The following ZNF385D variants were observed in gnomAD, a reference collection of about 807,000 sequenced individuals.
ZNF385D encodes the protein zinc finger protein 385D, also known as zinc finger protein 659.
ZNF385D carries 15 observed loss-of-function variants against 35.8 expected under a neutral mutation model. The observed-to-expected ratio is 0.42, with a 90% CI of 0.28 to 0.64. The LOEUF (loss-of-function observed/expected upper bound fraction) is 0.64. ZNF385D is among the 30% of genes least tolerant of loss of function. The pLI is 0.23. For missense variants in ZNF385D, 474 were observed against 494.6 expected, an observed-to-expected ratio of 0.96 and a Z score of 0.39; for synonymous variants, 212 against 186.8, an observed-to-expected ratio of 1.13 and a Z score of -1.10.
chr3:21,734,706 T>A (rs935862155), intron 1 of ZNF385D, among the ~76,000 whole-genome samples: 2 of 152,102 alleles, frequency 1.3e-5, no homozygotes, highest in Non-Finnish European at 2.9e-5. Context: ...GCTGCACTGA[T>A]CACCTAGATA....
At chr3:21,925,852 A>G (rs1700701199) in intron 3 of ZNF385D, among the ~76,000 whole-genome samples, 1 of 152,220 alleles carries the variant, frequency 6.6e-6, no homozygotes. Context: ...AATGATATAC[A>G]GATGACAAAT....
At position 21,794,288 on chromosome 3, in the gene ZNF385D, T is replaced by G. The variant is rs144432803; in HGVS notation, c.326-129260A>C. ...AACCTAAGAGCTTAAATAGAGAGCT[T>G]AGACCATTGGGAGCTTCTGATCTAG... On this transcript the variant is annotated intron_variant, in intron 3 of 5. Coordinates refer to the ZNF385D transcript ENST00000494108. 9.8e-3 allele frequency among the ~76,000 whole-genome samples: 1,498 copies of G among 152,120 alleles called. 79 individuals are homozygous for G. Among genetic ancestry groups the G allele is most frequent in the Admixed American group, 0.091 (1,387 of 15,260 alleles).
intron 3 of ZNF385D, among the ~76,000 whole-genome samples, chr3:21,998,124 T>C (rs1695599357): frequency 6.6e-6 from 1 of 152,108 alleles, no homozygotes; most frequent in African/African-American, 2.4e-5. Flanking sequence ...TGCCTGGAAG[T>C]TACCTTATAT....
intron 3 of ZNF385D, among the ~76,000 whole-genome samples, chr3:22,003,134 CCTT>C (rs769255475): frequency 3.3e-5 from 5 of 152,140 alleles, no homozygotes; most frequent in African/African-American, 4.8e-5. Context: ...GTCAAATTGT[CCTT>C]CTTCGCAGAT....
chr3:21,617,511 T>G (rs1353622642), intron 2 of ZNF385D, among the ~76,000 whole-genome samples: 1 of 152,210 alleles, frequency 6.6e-6, no homozygotes, highest in East Asian at 1.9e-4. Flanking sequence ...CAATGCTTTA[T>G]GTATGTTAGT....
chr3:21,694,005 C>T (rs1303118127), intron 1 of ZNF385D, among the ~76,000 whole-genome samples: 5 of 128,422 alleles, frequency 3.9e-5, no homozygotes, highest in Admixed American at 2.4e-4. Context: ...CAGCCTCCTG[C>T]GTAGCTGGGA....
chr3:21,681,290 T>A (rs2066891986), intron 1 of ZNF385D, among the ~76,000 whole-genome samples: 1 of 77,942 alleles, frequency 1.3e-5, no homozygotes, highest in African/African-American at 4.9e-5. Context: ...GTGAATATAT[T>A]CCATCAGTAA....
chr3:22,096,523 C>T (rs889559921), intron 3 of ZNF385D, among the ~76,000 whole-genome samples: 1 of 151,946 alleles, frequency 6.6e-6, no homozygotes, highest in Admixed American at 6.6e-5. Context: ...GAGAGTAATG[C>T]TGACAAATGC....
intron 3 of ZNF385D, among the ~76,000 whole-genome samples, chr3:22,080,833 G>T (rs368493523): frequency 1.3e-5 from 2 of 151,946 alleles, no homozygotes; most frequent in South Asian, 4.1e-4. Context: ...AACTAGCTAG[G>T]CCCTTGCTCC....
At chr3:21,963,169 C>T (rs551803256) in intron 3 of ZNF385D, among the ~76,000 whole-genome samples, 12 of 152,260 alleles carry the variant, frequency 7.9e-5, no homozygotes, top group Non-Finnish European at 1.6e-4. Context: ...GATATTAAAG[C>T]TGAAGCAAAC....
chr3:21,945,183 G>C (rs561828561), intron 3 of ZNF385D, among the ~76,000 whole-genome samples: 15 of 110,934 alleles, frequency 1.4e-4, no homozygotes, highest in African/African-American at 5.4e-4. Flanking sequence ...TAGTGAGAGA[G>C]AGAGAGACAG....
At position 22,254,596 on chromosome 3, in the gene ZNF385D, G is replaced by A. The variant is rs145426274; in HGVS notation, c.107-85561C>T. ...TATCTATATTCCAAGGCCCTCAGTGGATACCTGAAACCTCAGAAAGTACTG... is the reference window on the plus strand; with the variant it reads ...TATCTATATTCCAAGGCCCTCAGTGAATACCTGAAACCTCAGAAAGTACTG... On this transcript the variant is annotated intron_variant, in intron 2 of 5. Coordinates refer to the ZNF385D transcript ENST00000494108. Among the ~76,000 whole-genome samples the A allele has an allele frequency of 2.6e-3, 390 of 151,704 alleles. 6 individuals are homozygous for A. Among genetic ancestry groups the A allele is most frequent in the African/African-American group, 8.6e-3 (358 of 41,414 alleles).
chr3:21,956,908 G>T (rs752210113), intron 3 of ZNF385D, among the ~76,000 whole-genome samples: 5 of 151,772 alleles, frequency 3.3e-5, no homozygotes, highest in South Asian at 2.1e-4. Context: ...ATCATCTGTG[G>T]TGATATAGTT....
chr3:21,854,581 G>A (rs78006208), intron 3 of ZNF385D, among the ~76,000 whole-genome samples: 5,832 of 151,888 alleles, frequency 0.038, 388 homozygotes, highest in African/African-American at 0.13. Context: ...CTGAAATTAC[G>A]TACCCAGTCC....
At chr3:22,023,959 T>C (rs1423817335) in intron 3 of ZNF385D, among the ~76,000 whole-genome samples, 3 of 152,124 alleles carry the variant, frequency 2.0e-5, no homozygotes, top group African/African-American at 7.2e-5. Flanking sequence ...TTGATTGGAT[T>C]GAAGGATACA....
intron 2 of ZNF385D, among the ~76,000 whole-genome samples, chr3:22,197,166 C>A (rs576707236): frequency 2.0e-5 from 3 of 151,938 alleles, no homozygotes; most frequent in African/African-American, 7.2e-5. Context: ...ATGTTTGGTG[C>A]AATTTTTGTT....
intron 3 of ZNF385D, among the ~76,000 whole-genome samples, chr3:21,812,138 C>T (rs1166219128): frequency 1.3e-5 from 2 of 152,074 alleles, no homozygotes. Context: ...GAATATTCTA[C>T]AGGAAAAAAT....
At chr3:22,186,713 T>C (rs558163051) in intron 2 of ZNF385D, among the ~76,000 whole-genome samples, 2 of 152,160 alleles carry the variant, frequency 1.3e-5, no homozygotes, top group Non-Finnish European at 2.9e-5. Context: ...CTTAATTTCA[T>C]GCTCTTACTA....
At chr3:21,885,329 T>A (rs576022388) in intron 3 of ZNF385D, among the ~76,000 whole-genome samples, 2 of 152,200 alleles carry the variant, frequency 1.3e-5, no homozygotes, top group African/African-American at 2.4e-5. Flanking sequence ...TATTGAACTA[T>A]ACTTATTCAC....
Sources: allele counts gnomAD v4.1 joint callset (sites outside exome capture counted in the v4.1 genomes callset), GRCh38; gene constraint gnomAD v4.1.1; transcripts MANE v1.5; gene names NCBI Gene and HGNC (gene_info 2026-07-23, HGNC 2026-07-21).